Variants in ZNF516 observed in about 807,000 individuals in gnomAD.
The protein encoded by ZNF516 is zinc finger protein 516.
A neutral mutation model predicts 79.7 loss-of-function variants in ZNF516; 19 were observed. The ratio of observed to expected loss-of-function variants is 0.24; its 90% confidence interval spans 0.17 to 0.35. The LOEUF is 0.35. Ranked by LOEUF, ZNF516 falls within the 10% of genes least tolerant of loss-of-function variation. The pLI is 1.00. For synonymous variants in ZNF516, 877 were observed against 739.5 expected, an observed-to-expected ratio of 1.19 and a Z score of -3.02; for missense variants, 1,678 against 1,679.5, an observed-to-expected ratio of 1.00 and a Z score of 0.02.
chr18:76,475,071 G>A (rs1361194419), intron 1 of ZNF516, among the ~76,000 whole-genome samples: 1 of 152,160 alleles, frequency 6.6e-6, no homozygotes, highest in East Asian at 1.9e-4. Flanking sequence ...TAGGCTACCT[G>A]AATGTTTCTG....
chr18:76,453,402 A>G (rs980487457), intron 2 of ZNF516, among the ~76,000 whole-genome samples: 1 of 152,190 alleles, frequency 6.6e-6, no homozygotes, highest in Non-Finnish European at 1.5e-5. Flanking sequence ...CAAAAACAGA[A>G]CAGATCACTC....
chr18:76,490,246 C>A, intron 1 of ZNF516: 1 of 969,338 alleles, frequency 1.0e-6, no homozygotes, highest in Non-Finnish European at 1.2e-6. Flanking sequence ...ACCCCTGACA[C>A]CACGGCAGGC....
chr18:76,406,488 C>T (rs1239303669), intron 3 of ZNF516, among the ~76,000 whole-genome samples: 5 of 152,154 alleles, frequency 3.3e-5, no homozygotes, highest in Non-Finnish European at 4.4e-5. Context: ...CGCTTGAACC[C>T]GGGAGACGGA....
chr18:76,362,364 T>C lies in ZNF516; in HGVS notation c.*134A>G, dbSNP rs2144863516. The stretch of plus-strand genomic sequence containing the variant: ...CACTCCAGCGCAGCGGCTCGGGATG[T>C]GAGGTGTCTGCTCAGGAGTTCCCCG... On this transcript the variant is annotated 3_prime_UTR_variant, in exon 7 of 7. Coordinates refer to ENST00000443185, the MANE Select transcript of ZNF516 (RefSeq NM_014643.4). 1 of 744,468 alleles carries C rather than the reference T, an allele frequency of 1.3e-6. No individual in the cohort carries two copies. Among genetic ancestry groups the C allele is most frequent in the African/African-American group, 1.7e-5 (1 of 57,350 alleles). The allele number at this position is 744,468 out of a possible 1,614,324, so 46.1% of individuals were successfully genotyped here.
chr18:76,400,400 G>A (rs1212108637), intron 3 of ZNF516, among the ~76,000 whole-genome samples: 1 of 152,184 alleles, frequency 6.6e-6, no homozygotes, highest in Non-Finnish European at 1.5e-5. Flanking sequence ...AGCTATTTCT[G>A]AGCACTTGGT....
At chr18:76,460,127 G>A (rs367675028) in intron 2 of ZNF516, among the ~76,000 whole-genome samples, 5 of 152,184 alleles carry the variant, frequency 3.3e-5, no homozygotes, top group Admixed American at 6.5e-5. Context: ...ACACTCACCC[G>A]AAGGTTGAAA....
rs573245687 is a variant in ZNF516, at chr18:76,458,719, G to A, written c.-158+4309C>T. Among the ~76,000 whole-genome samples, 15 of 147,972 alleles carry A rather than the reference G, an allele frequency of 1.0e-4. 1 individual carries two copies. The South Asian group carries it at 3.2e-3, about 32-fold the overall frequency. On this transcript the variant is annotated intron_variant, in intron 2 of 6. Coordinates refer to ENST00000443185, the MANE Select transcript of ZNF516 (RefSeq NM_014643.4). ...GTGTGTGCGTGCCTCACCGTCGTGC[G>A]TGTGCATGCCTGTAGGCAATGCCAG...
chr18:76,441,038 G>C lies in ZNF516; in HGVS notation c.1810+207C>G, dbSNP rs540415909. 6.6e-5 allele frequency among the ~76,000 whole-genome samples: 10 copies of C among 152,298 alleles called. No homozygotes were observed. In the East Asian group the frequency reaches 1.5e-3, roughly 24 times the overall value. On this transcript the variant is annotated intron_variant, in intron 3 of 6. Coordinates refer to ENST00000443185, the MANE Select transcript of ZNF516 (RefSeq NM_014643.4). ...CAGATTCCTGGGTGTGGGGGACCCTGGGCACAGGGACCCTGGGCAAGGGCA... is the reference window on the plus strand; with the variant it reads ...CAGATTCCTGGGTGTGGGGGACCCTCGGCACAGGGACCCTGGGCAAGGGCA...
At position 76,406,971 on chromosome 18, in the gene ZNF516, G is replaced by C. The variant is rs964334680; in HGVS notation, c.1811-26668C>G. On this transcript the variant is annotated intron_variant, in intron 3 of 6. Transcript: ENST00000443185. ...GGGCTATCTTAGATTTGCTAACCCG[G>C]GGCACACAGTGCGTCTCCGTCCACT... Among the ~76,000 whole-genome samples the C allele has an allele frequency of 9.2e-5, 14 of 152,128 alleles. 1 individual carries two copies. Among genetic ancestry groups the C allele is most frequent in the Non-Finnish European group, 4.4e-5 (3 of 68,024 alleles).
intron 3 of ZNF516, among the ~76,000 whole-genome samples, chr18:76,419,211 G>A (rs189936700): frequency 2.0e-5 from 3 of 152,334 alleles, no homozygotes; most frequent in East Asian, 1.9e-4. Context: ...TATACACGTG[G>A]ACAACAAAAG....
At chr18:76,402,725 C>T (rs1046807268) in intron 3 of ZNF516, among the ~76,000 whole-genome samples, 2 of 152,258 alleles carry the variant, frequency 1.3e-5, no homozygotes, top group African/African-American at 4.8e-5. Context: ...CTGACTCTCA[C>T]GTGATTTCTC....
chr18:76,469,848 T>G (rs1053268978), intron 1 of ZNF516, among the ~76,000 whole-genome samples: 1 of 152,170 alleles, frequency 6.6e-6, no homozygotes, highest in East Asian at 1.9e-4. Flanking sequence ...TGGTAAACTT[T>G]ATGTTACATA....
intron 3 of ZNF516, among the ~76,000 whole-genome samples, chr18:76,396,507 A>G (rs2075148695): frequency 6.6e-6 from 1 of 152,182 alleles, no homozygotes. Flanking sequence ...ACTAGTTAAC[A>G]AAAAACTGGA....
chr18:76,412,907 A>C lies in ZNF516; in HGVS notation c.1810+28338T>G, dbSNP rs982996639. 2.7e-3 allele frequency among the ~76,000 whole-genome samples: 403 copies of C among 151,960 alleles called. 1 individual carries two copies. Among genetic ancestry groups the C allele is most frequent in the African/African-American group, 9.0e-3 (372 of 41,472 alleles). On this transcript the variant is annotated intron_variant, in intron 3 of 6. Coordinates refer to ENST00000443185, the MANE Select transcript of ZNF516 (RefSeq NM_014643.4). ...GTGGCATCCTCCCTCCACCTCGCCC[A>C]CCTCTGAGTCCCGCCATAACCTACC...
chr18:76,460,619 T>C (rs1270854940), intron 2 of ZNF516, among the ~76,000 whole-genome samples: 2 of 152,166 alleles, frequency 1.3e-5, no homozygotes, highest in Non-Finnish European at 2.9e-5. Flanking sequence ...TGATCGATCC[T>C]GTTTTCCTCC....
chr18:76,482,453 AGCG>A (rs974900369), intron 1 of ZNF516, among the ~76,000 whole-genome samples: 24 of 152,346 alleles, frequency 1.6e-4, no homozygotes, highest in African/African-American at 5.5e-4. Flanking sequence ...CAGGCCCGGC[AGCG>A]GCAGCCCCGC....
chr18:76,461,221 C>G lies in ZNF516; in HGVS notation c.-158+1807G>C, dbSNP rs1385312354. 3.3e-5 allele frequency among the ~76,000 whole-genome samples: 5 copies of G among 152,260 alleles called. No homozygotes were observed. The East Asian group carries it at 9.7e-4, about 29-fold the overall frequency. ...TAAATAAAAATAACAACATACTGAA[C>G]GGGGCTGACTTATCTGCCTAAACCA... On this transcript the variant is annotated intron_variant, in intron 2 of 6. Transcript: ENST00000443185.
At chr18:76,426,810 C>T (rs1268652560) in intron 3 of ZNF516, among the ~76,000 whole-genome samples, 2 of 152,220 alleles carry the variant, frequency 1.3e-5, no homozygotes, top group African/African-American at 2.4e-5. Context: ...CTAGGGAGCA[C>T]CGGCATCATC....
rs988657986 is a variant in ZNF516 at position 76,358,001 on chromosome 18, C to A, written c.*4497G>T. Among the ~76,000 whole-genome samples the A allele has an allele frequency of 6.6e-6, 1 of 152,148 alleles. No individual in the cohort carries two copies. The highest frequency in any genetic ancestry group is 1.5e-5 in the Non-Finnish European group (1 of 68,038). ...AGTCCACAAAAGAGTTGGAAAAAAACCACTCGGGCCATCTGGGCATCTGTT... is the reference window on the plus strand; with the variant it reads ...AGTCCACAAAAGAGTTGGAAAAAAAACACTCGGGCCATCTGGGCATCTGTT... On this transcript the variant is annotated 3_prime_UTR_variant, in exon 7 of 7. Transcript: ENST00000443185.
Sources: allele counts gnomAD v4.1 joint callset (sites outside exome capture counted in the v4.1 genomes callset), GRCh38; gene constraint gnomAD v4.1.1; transcripts MANE v1.5; gene names NCBI Gene and HGNC (gene_info 2026-07-23, HGNC 2026-07-21).